The following C8orf34 variants were observed in gnomAD, a reference collection of about 807,000 sequenced individuals.
The protein encoded by C8orf34 is chromosome 8 open reading frame 34.
A neutral mutation model predicts 68.3 loss-of-function variants in C8orf34; 65 were observed. That is an observed-to-expected ratio of 0.95 (90% CI 0.78 to 1.17). The LOEUF (loss-of-function observed/expected upper bound fraction) is 1.17, where lower values mean the gene tolerates loss of function less well. Ranked by LOEUF, C8orf34 falls within the 50% of genes most tolerant of loss-of-function variation. C8orf34 has a pLI of 0.00. For synonymous variants in C8orf34, 244 were observed against 241.2 expected (o/e 1.01, Z -0.11); for missense variants, 664 against 655.4 (o/e 1.01, Z -0.14).
chr8:68,682,209 T>C (rs995356416), intron 8 of C8orf34, among the ~76,000 whole-genome samples: 3 of 152,142 alleles, frequency 2.0e-5, no homozygotes, highest in African/African-American at 4.8e-5. Flanking sequence ...TAAAATAGTA[T>C]AATTGGATAT....
chr8:68,693,956 G>A (rs756368041), intron 8 of C8orf34, among the ~76,000 whole-genome samples: 2 of 152,076 alleles, frequency 1.3e-5, no homozygotes, highest in Non-Finnish European at 2.9e-5. Context: ...GAGGAATATT[G>A]CAATGTGCCA....
chr8:68,488,111 T>C (rs1813154270), intron 5 of C8orf34, 60 bp downstream of exon 5: 1 of 1,162,894 alleles, frequency 8.6e-7, no homozygotes, highest in African/African-American at 1.6e-5. Flanking sequence ...TATTCCACTG[T>C]CTCAACATAA....
At chr8:68,603,688 A>G (rs1484475400) in intron 7 of C8orf34, among the ~76,000 whole-genome samples, 3 of 152,068 alleles carry the variant, frequency 2.0e-5, no homozygotes, top group Non-Finnish European at 4.4e-5. Flanking sequence ...AAATTTCAAG[A>G]AGAGACAAAA....
intron 7 of C8orf34, among the ~76,000 whole-genome samples, chr8:68,594,421 C>G (rs6999404): frequency 6.6e-6 from 1 of 151,714 alleles, no homozygotes; most frequent in African/African-American, 2.4e-5. Flanking sequence ...ATTAAATTGT[C>G]TTTTATCTAA....
intron 12 of C8orf34, among the ~76,000 whole-genome samples, chr8:68,788,087 C>T (rs1823894688): frequency 6.6e-6 from 1 of 152,136 alleles, no homozygotes; most frequent in Non-Finnish European, 1.5e-5. Context: ...AGTGCATGCT[C>T]TCCAGGGTTT....
chr8:68,509,824 C>T (rs1410582173), intron 5 of C8orf34, among the ~76,000 whole-genome samples: 1 of 152,104 alleles, frequency 6.6e-6, no homozygotes, highest in Non-Finnish European at 1.5e-5. Context: ...TCCTGGAGAC[C>T]ATGGCAGATG....
At chr8:68,354,203 A>G (rs975187545) in intron 1 of C8orf34, among the ~76,000 whole-genome samples, 30 of 152,186 alleles carry the variant, frequency 2.0e-4, no homozygotes, top group African/African-American at 6.5e-4. Flanking sequence ...GAGATTAGTT[A>G]GAATTACAGA....
rs570797326 is a variant in C8orf34, at chr8:68,504,970, T to C, written c.766-16829T>C. On this transcript the variant is annotated intron_variant, in intron 5 of 13. Coordinates refer to ENST00000518698, the MANE Select transcript of C8orf34 (RefSeq NM_052958.4). ...CTGGGATTACAGGCGTGAGCCACCA[T>C]GCCTGGCCTAAGTTTTGTATTTTTA... 8.0e-4 allele frequency among the ~76,000 whole-genome samples: 122 copies of C among 152,130 alleles called. 1 individual carries two copies. The highest frequency in any genetic ancestry group is 2.9e-3 in the African/African-American group (119 of 41,534).
chr8:68,772,651 G>T (rs28583055), intron 10 of C8orf34, among the ~76,000 whole-genome samples: 27 of 151,648 alleles, frequency 1.8e-4, no homozygotes, highest in Admixed American at 3.9e-4. Flanking sequence ...TTTCAGAAAG[G>T]CCTTTTCTTT....
At chr8:68,744,889 C>G (rs1822433266) in intron 10 of C8orf34, among the ~76,000 whole-genome samples, 1 of 152,116 alleles carries the variant, frequency 6.6e-6, no homozygotes, top group Admixed American at 6.5e-5. Flanking sequence ...GAGAACTCCA[C>G]AAAGATACTC....
intron 7 of C8orf34, among the ~76,000 whole-genome samples, chr8:68,624,064 A>T (rs1818463905): frequency 6.6e-6 from 1 of 152,026 alleles, no homozygotes. Flanking sequence ...CGAGGTCAGG[A>T]GTTCGAGACT....
intron 12 of C8orf34, among the ~76,000 whole-genome samples, chr8:68,796,658 T>C (rs1240775382): frequency 6.6e-6 from 1 of 152,132 alleles, no homozygotes; most frequent in Non-Finnish European, 1.5e-5. Flanking sequence ...ATAATAAGCA[T>C]CCTGGTTTAA....
intron 1 of C8orf34, among the ~76,000 whole-genome samples, chr8:68,384,987 G>A (rs533191366): frequency 3.3e-5 from 5 of 152,170 alleles, no homozygotes; most frequent in Admixed American, 2.0e-4. Flanking sequence ...AGCTGAAAAC[G>A]AAGGAACGAA....
intron 12 of C8orf34, among the ~76,000 whole-genome samples, chr8:68,802,404 T>A (rs1824358686): frequency 1.3e-5 from 2 of 152,192 alleles, no homozygotes; most frequent in African/African-American, 4.8e-5. Flanking sequence ...CCAGCTGGTG[T>A]AAGATGATTT....
chr8:68,376,186 T>TAAAATAAAATA (rs1307408328), intron 1 of C8orf34, among the ~76,000 whole-genome samples: 3 of 124,156 alleles, frequency 2.4e-5, no homozygotes, highest in East Asian at 1.9e-4. Context: ...AAGGCAGACA[T>TAAAATAAAATA]AAAATAAAAT....
chr8:68,720,772 AG>A (rs1486587313), intron 9 of C8orf34, among the ~76,000 whole-genome samples: 2 of 151,908 alleles, frequency 1.3e-5, no homozygotes, highest in African/African-American at 4.8e-5. Context: ...CATATGAAAA[AG>A]GTTGCATCAT....
chr8:68,715,476 A>T (rs910728533), intron 9 of C8orf34, among the ~76,000 whole-genome samples: 1 of 152,116 alleles, frequency 6.6e-6, no homozygotes, highest in African/African-American at 2.4e-5. Flanking sequence ...ACGAATAGAC[A>T]TTTCTCAAAA....
chr8:68,687,673 T>C (rs2130896750), intron 8 of C8orf34, among the ~76,000 whole-genome samples: 1 of 152,106 alleles, frequency 6.6e-6, no homozygotes, highest in East Asian at 1.9e-4. Context: ...GAAGATGACA[T>C]TGAAAAAACT....
chr8:68,483,893 C>T (rs1812965772), intron 4 of C8orf34, among the ~76,000 whole-genome samples: 1 of 152,192 alleles, frequency 6.6e-6, no homozygotes, highest in Non-Finnish European at 1.5e-5. Context: ...TTTTTCCCTT[C>T]ACTTCCAGGC....
Sources: gnomAD v4.1 joint callset for allele counts (sites outside exome capture counted in the v4.1 genomes callset) on GRCh38, gnomAD v4.1.1 for gene constraint, MANE v1.5 for transcripts, NCBI Gene and HGNC (gene_info 2026-07-23, HGNC 2026-07-21) for gene names.